The following ANAPC1 variants were observed in gnomAD, a reference collection of about 807,000 sequenced individuals.
ANAPC1 encodes the protein anaphase promoting complex subunit 1.
ANAPC1 carries 36 observed loss-of-function variants against 208.0 expected under a neutral mutation model. That is an observed-to-expected ratio of 0.17 (90% CI 0.13 to 0.23). ANAPC1 has a LOEUF of 0.23. Among genes scored for constraint, ANAPC1 ranks in the 10% least tolerant of loss-of-function variants. The pLI is 1.00. For synonymous variants in ANAPC1, 378 were observed against 695.2 expected, an observed-to-expected ratio of 0.54 and a Z score of 7.18; for missense variants, 942 against 2,011.6, an observed-to-expected ratio of 0.47 and a Z score of 10.17.
Position 111,792,513 on chromosome 2 carries a change from G to A in ANAPC1, c.4561C>T (p.Leu1521=), listed in dbSNP as rs368922137. The A allele has an allele frequency of 1.2e-6, 2 of 1,613,988 alleles. No homozygotes were observed. Among genetic ancestry groups the A allele is most frequent in the Non-Finnish European group, 1.7e-6 (2 of 1,179,868 alleles). ...CCAGCCATGACCATGGCGAGAGACA[G>A]CAGCACCACGCTCAGACAAGTTTCT... The part of the protein sequence containing the change: ...NLETCLSVVL[L]SLAMVMAGSG... Residue 1521 remains leucine (L), a synonymous_variant, in exon 38 of 48, where the codon CTG becomes TTG. Transcript: ENST00000341068.
intron 19 of ANAPC1, 68 bp downstream of exon 19, chr2:111,834,536 G>T: frequency 2.5e-6 from 1 of 393,278 alleles, no homozygotes; most frequent in Non-Finnish European, 3.6e-6. Flanking sequence ...TATGATACAA[G>T]GTTCCTATAT....
intron 14 of ANAPC1, among the ~76,000 whole-genome samples, chr2:111,849,564 G>A (rs1223734799): frequency 2.6e-5 from 4 of 152,052 alleles, no homozygotes; most frequent in South Asian, 4.1e-4. Flanking sequence ...CTTTTCTCCA[G>A]GCTTCCTAAC....
At chr2:111,844,939 G>A (rs987908421) in intron 16 of ANAPC1, among the ~76,000 whole-genome samples, 2 of 152,182 alleles carry the variant, frequency 1.3e-5, no homozygotes, top group Admixed American at 6.5e-5. Flanking sequence ...TCCAACTCCT[G>A]GACTCAAGTG....
chr2:111,798,830 C>T (rs1195365935), intron 34 of ANAPC1, among the ~76,000 whole-genome samples: 1 of 152,226 alleles, frequency 6.6e-6, no homozygotes. Flanking sequence ...GTCAGGAGAT[C>T]GAGACCATCT....
intron 2 of ANAPC1, 143 bp from the exon 3 acceptor site, chr2:111,879,114 T>G (rs1360530457): frequency 8.5e-6 from 7 of 827,268 alleles, no homozygotes; most frequent in Non-Finnish European, 1.3e-5. Flanking sequence ...TAACGGAGGA[T>G]GTGGATATAT....
chr2:111,870,158 AATTGTGT>A (rs1437793955), intron 6 of ANAPC1, among the ~76,000 whole-genome samples: 2 of 152,234 alleles, frequency 1.3e-5, no homozygotes, highest in Non-Finnish European at 2.9e-5. Flanking sequence ...TGCAATTGTG[AATTGTGT>A]TGCAATAAAC....
At chr2:111,868,743 G>A (rs1682573246) in intron 6 of ANAPC1, among the ~76,000 whole-genome samples, 1 of 152,182 alleles carries the variant, frequency 6.6e-6, no homozygotes, top group South Asian at 2.1e-4. Context: ...ATGTTGGCCA[G>A]GCTGGTCTTG....
chr2:111,791,041 T>C (rs567393341), intron 38 of ANAPC1, among the ~76,000 whole-genome samples: 6 of 152,312 alleles, frequency 3.9e-5, no homozygotes, highest in East Asian at 1.9e-4. Context: ...TACTTAAAAA[T>C]TGATAAGTTT....
At chr2:111,881,368 G>C (rs939420738) in intron 1 of ANAPC1, among the ~76,000 whole-genome samples, 8 of 152,146 alleles carry the variant, frequency 5.3e-5, no homozygotes, top group South Asian at 2.1e-4. Flanking sequence ...AAAAGACATA[G>C]GTTTTCAAAT....
chr2:111,833,681 T>TAAAAAAAAAAAAAAAAAAAAA (rs372311361), intron 19 of ANAPC1, among the ~76,000 whole-genome samples: 1 of 85,998 alleles, frequency 1.2e-5, no homozygotes, highest in South Asian at 4.7e-4. Context: ...ATAAAATATG[T>TAAAAAAAAAAAAAAAAAAAAA]AAAAAAAAAA....
rs1680112787 is a variant in ANAPC1 at position 111,831,258 on chromosome 2, G to T, written c.2625+28C>A. On this transcript the variant is annotated intron_variant, in intron 21 of 47. Coordinates refer to ENST00000341068, the MANE Select transcript of ANAPC1 (RefSeq NM_022662.4). ...AAACTAAATTTTAAAAGAAAAAGGA[G>T]ATAGGTAGTAACACTCCACATACAT... is the stretch of plus-strand genomic sequence containing the variant. The T allele has an allele frequency of 7.7e-6, 12 of 1,559,776 alleles. No individual in the cohort carries two copies. In the Admixed American group the frequency reaches 2.4e-4, roughly 31 times the overall value.
At chr2:111,826,895 G>C (rs1481911475) in intron 21 of ANAPC1, among the ~76,000 whole-genome samples, 1 of 152,018 alleles carries the variant, frequency 6.6e-6, no homozygotes, top group Non-Finnish European at 1.5e-5. Context: ...TCCTGACCTC[G>C]TGATCCGCCC....
At chr2:111,868,467 A>C (rs1197914871) in intron 6 of ANAPC1, among the ~76,000 whole-genome samples, 2 of 152,204 alleles carry the variant, frequency 1.3e-5, no homozygotes, top group Admixed American at 1.3e-4. Context: ...TTATTCTCCC[A>C]TATCTGCTGA....
At chr2:111,878,351 C>A (rs1683122812) in intron 3 of ANAPC1, among the ~76,000 whole-genome samples, 1 of 152,150 alleles carries the variant, frequency 6.6e-6, no homozygotes, top group African/African-American at 2.4e-5. Context: ...TAATTCTTTC[C>A]CTTTCATTAT....
intron 32 of ANAPC1, 122 bp downstream of exon 32, chr2:111,803,326 C>CA (rs1678526542): frequency 1.5e-4 from 30 of 202,034 alleles, no homozygotes; most frequent in Middle Eastern, 1.5e-3. Context: ...CTTGAAAGAA[C>CA]AAAAAATCAG....
intron 45 of ANAPC1, among the ~76,000 whole-genome samples, chr2:111,777,774 G>A (rs999840497): frequency 1.3e-5 from 2 of 152,158 alleles, no homozygotes; most frequent in Admixed American, 6.5e-5. Context: ...TGTGTTTTCT[G>A]GTTTGGGGGA....
In ANAPC1 at chr2:111,838,506, A is replaced by G. The variant is rs761349994; in HGVS notation, c.2047T>C (p.Phe683Leu). 1 of 1,603,686 alleles carries G rather than the reference A, an allele frequency of 6.2e-7. No individual in the cohort carries two copies. The highest frequency in any genetic ancestry group is 1.1e-5 in the South Asian group (1 of 89,034). Residue 683 changes from phenylalanine to leucine, a missense_variant, in exon 18 of 48, where the codon TTT becomes CTT. Phe to Leu is a conservative substitution (Grantham distance 22). Transcript: ENST00000341068. ...DRLAWTRNFD[F>L]EGSLSPVIAP... ...ATGACAGGAGAAAGTGATCCTTCAA[A>G]GTCAAACTGAAAAGTAACCCCAAAA...
intron 10 of ANAPC1, among the ~76,000 whole-genome samples, 156 bp from the exon 11 acceptor site, chr2:111,858,557 C>A (rs537583586): frequency 2.8e-4 from 43 of 151,992 alleles, no homozygotes; most frequent in Admixed American, 5.2e-4. Flanking sequence ...TCAGGAGATC[C>A]AGACTATCCT....
intron 28 of ANAPC1, among the ~76,000 whole-genome samples, chr2:111,810,791 G>A (rs1558683419): frequency 6.9e-6 from 1 of 144,000 alleles, no homozygotes; most frequent in Non-Finnish European, 1.5e-5. Flanking sequence ...GCTGAGGCAG[G>A]AGAATTGCTT....
Sources: gnomAD v4.1 joint callset for allele counts (sites outside exome capture counted in the v4.1 genomes callset) on GRCh38, gnomAD v4.1.1 for gene constraint, MANE v1.5 for transcripts, NCBI Gene and HGNC (gene_info 2026-07-23, HGNC 2026-07-21) for gene names.